ASIC2: variants seen among roughly 807,000 people sequenced by gnomAD.
ASIC2 encodes acid-sensing ion channel 2.
In ASIC2, 25 loss-of-function variants were observed where a neutral mutation model predicts 57.3. The ratio of observed to expected loss-of-function variants is 0.44; its 90% confidence interval spans 0.32 to 0.61. ASIC2 has a LOEUF of 0.61. Among genes scored for constraint, ASIC2 ranks in the 20% least tolerant of loss-of-function variants. The probability of loss-of-function intolerance (pLI) is 0.06; values close to 1 mark genes in which losing one functional copy is unlikely to be tolerated. For synonymous variants in ASIC2, 319 were observed against 307.5 expected, an observed-to-expected ratio of 1.04 and a Z score of -0.39; for missense variants, 641 against 738.1, an observed-to-expected ratio of 0.87 and a Z score of 1.52.
intron 1 of ASIC2, among the ~76,000 whole-genome samples, chr17:33,661,333 C>T (rs1344763941): frequency 6.6e-6 from 1 of 152,334 alleles, no homozygotes; most frequent in African/African-American, 2.4e-5. Flanking sequence ...CGTTTTGCAT[C>T]GTGGAAGGAG....
intron 1 of ASIC2, among the ~76,000 whole-genome samples, chr17:33,593,382 TG>T (rs5820053): frequency 0.61 from 92,993 of 151,980 alleles, 30,195 homozygotes; most frequent in African/African-American, 0.85. Flanking sequence ...AAGCACATTG[TG>T]GCTAGGTTAT....
intron 1 of ASIC2, among the ~76,000 whole-genome samples, chr17:34,020,598 G>A (rs78426036): frequency 0.076 from 11,591 of 152,216 alleles, 1,102 homozygotes; most frequent in African/African-American, 0.23. Flanking sequence ...GTTGTCAGAG[G>A]GAGTAATATA....
intron 1 of ASIC2, among the ~76,000 whole-genome samples, chr17:33,306,790 G>A (rs1288908167): frequency 4.6e-5 from 7 of 152,016 alleles, no homozygotes; most frequent in African/African-American, 7.2e-5. Context: ...CTTAAAATCC[G>A]TCAATGGCCC....
intron 1 of ASIC2, among the ~76,000 whole-genome samples, chr17:33,968,333 A>C (rs1328802198): frequency 1.3e-5 from 2 of 152,180 alleles, no homozygotes; most frequent in Admixed American, 6.5e-5. Flanking sequence ...CAGGGGGCAG[A>C]ATCTCTGCGG....
At chr17:33,174,733 C>A (rs968724460) in intron 1 of ASIC2, among the ~76,000 whole-genome samples, 1 of 152,152 alleles carries the variant, frequency 6.6e-6, no homozygotes, top group Non-Finnish European at 1.5e-5. Flanking sequence ...CTTTCAGAGC[C>A]CGTGTCCTGG....
intron 1 of ASIC2, among the ~76,000 whole-genome samples, chr17:33,702,556 C>T (rs1358310341): frequency 1.3e-5 from 2 of 151,934 alleles, no homozygotes; most frequent in Non-Finnish European, 2.9e-5. Context: ...AACTTGTGTC[C>T]AAAAGGAAAA....
intron 1 of ASIC2, among the ~76,000 whole-genome samples, chr17:33,152,282 A>C (rs1396651117): frequency 6.6e-6 from 1 of 152,154 alleles, no homozygotes; most frequent in Admixed American, 6.5e-5. Flanking sequence ...GAGTATCAGG[A>C]AGCATGAGGA....
chr17:33,760,745 C>T (rs1486189905), intron 1 of ASIC2, among the ~76,000 whole-genome samples: 6 of 152,034 alleles, frequency 3.9e-5, no homozygotes, highest in Non-Finnish European at 7.4e-5. Flanking sequence ...GAGGACAGAA[C>T]TTATTTACTT....
At chr17:33,660,882 G>A (rs1907235227) in intron 1 of ASIC2, among the ~76,000 whole-genome samples, 1 of 152,160 alleles carries the variant, frequency 6.6e-6, no homozygotes, top group Admixed American at 6.5e-5. Context: ...AGAGCTGCAC[G>A]GCACTTCTCA....
At chr17:33,561,966 C>G (rs753901979) in intron 1 of ASIC2, among the ~76,000 whole-genome samples, 1 of 152,184 alleles carries the variant, frequency 6.6e-6, no homozygotes, top group Non-Finnish European at 1.5e-5. Context: ...TCCTAAGACT[C>G]CTCTTCGAAG....
chr17:33,258,727 C>T (rs1346533259), intron 1 of ASIC2, among the ~76,000 whole-genome samples: 2 of 152,160 alleles, frequency 1.3e-5, no homozygotes, highest in East Asian at 1.9e-4. Flanking sequence ...ATACAATGTT[C>T]TCTGATTTGT....
intron 1 of ASIC2, among the ~76,000 whole-genome samples, chr17:33,525,911 C>G (rs59879333): frequency 0.089 from 13,560 of 152,244 alleles, 835 homozygotes; most frequent in East Asian, 0.29. Context: ...ACAGCATTTA[C>G]TGCCTGTCCT....
chr17:33,367,070 A>G (rs1193225500), intron 1 of ASIC2, among the ~76,000 whole-genome samples: 4 of 152,270 alleles, frequency 2.6e-5, no homozygotes, highest in Admixed American at 2.6e-4. Context: ...GCCCTGCTGA[A>G]TTAGCATCTT....
intron 1 of ASIC2, among the ~76,000 whole-genome samples, chr17:33,819,234 T>A (rs1912678704): frequency 6.6e-6 from 1 of 152,244 alleles, no homozygotes; most frequent in Non-Finnish European, 1.5e-5. Flanking sequence ...TACAATTTAG[T>A]CAGAGGTCAG....
At chr17:34,115,593 C>G (rs1323068185) in intron 1 of ASIC2, among the ~76,000 whole-genome samples, 1 of 152,184 alleles carries the variant, frequency 6.6e-6, no homozygotes, top group Non-Finnish European at 1.5e-5. Context: ...CACTCCTTCT[C>G]TTAACTTCTA....
At chr17:33,304,230 C>G (rs1906077806) in intron 1 of ASIC2, among the ~76,000 whole-genome samples, 1 of 152,130 alleles carries the variant, frequency 6.6e-6, no homozygotes, top group Admixed American at 6.5e-5. Context: ...GATCTGAGTC[C>G]AAAGAGCACA....
chr17:33,197,112 G>C (rs188601193), intron 1 of ASIC2, among the ~76,000 whole-genome samples: 1 of 152,232 alleles, frequency 6.6e-6, no homozygotes, highest in Admixed American at 6.5e-5. Context: ...AAAATGGGTA[G>C]AGAGTGAAGG....
At chr17:33,267,987 G>A (rs541076311) in intron 1 of ASIC2, among the ~76,000 whole-genome samples, 2 of 152,218 alleles carry the variant, frequency 1.3e-5, no homozygotes, top group East Asian at 1.9e-4. Context: ...GTTCCTCACC[G>A]TGCATGCGTA....
intron 1 of ASIC2, among the ~76,000 whole-genome samples, chr17:33,958,522 G>A (rs1406214631): frequency 5.9e-5 from 9 of 152,132 alleles, no homozygotes; most frequent in Admixed American, 5.9e-4. Context: ...CAAGGCTTGG[G>A]GCTTGTACCC....
Sources: allele counts gnomAD v4.1 joint callset (sites outside exome capture counted in the v4.1 genomes callset), GRCh38; gene constraint gnomAD v4.1.1; transcripts MANE v1.5; gene names NCBI Gene and HGNC (gene_info 2026-07-23, HGNC 2026-07-21).